Variants in DPP6 observed in about 807,000 individuals in gnomAD.
DPP6 encodes dipeptidyl peptidase like 6.
A neutral mutation model predicts 122.6 loss-of-function variants in DPP6; 69 were observed. The ratio of observed to expected loss-of-function variants is 0.56; its 90% CI spans 0.46 to 0.69. The LOEUF (loss-of-function observed/expected upper bound fraction) is 0.69. Ranked by LOEUF, DPP6 falls within the 30% of genes least tolerant of loss-of-function variation. The probability of loss-of-function intolerance (pLI) is 0.00; values close to 1 mark genes in which losing one functional copy is unlikely to be tolerated. For synonymous variants in DPP6, 418 were observed against 433.1 expected (o/e 0.97, Z 0.43); for missense variants, 928 against 1,116.9 (o/e 0.83, Z 2.41).
chr7:153,991,442 T>G (rs1484308494), intron 1 of DPP6, among the ~76,000 whole-genome samples: 1 of 152,082 alleles, frequency 6.6e-6, no homozygotes, highest in East Asian at 1.9e-4. Context: ...CCTTTGTAGG[T>G]TTTTAGTAAC....
the DPP6 span, among the ~76,000 whole-genome samples, chr7:153,786,763 G>T: frequency 1.2e-5 from 1 of 83,218 alleles, no homozygotes; most frequent in Non-Finnish European, 2.8e-5. Flanking sequence ...AAAAAAAAAA[G>T]ATATACTACT....
At chr7:154,568,603 T>C (rs886454024) in intron 5 of DPP6, among the ~76,000 whole-genome samples, 1 of 152,212 alleles carries the variant, frequency 6.6e-6, no homozygotes, top group Non-Finnish European at 1.5e-5. Context: ...TTCCCAGCGC[T>C]CTGTTTGGAA....
chr7:154,229,327 C>T (rs1800784811), intron 1 of DPP6, among the ~76,000 whole-genome samples: 1 of 152,186 alleles, frequency 6.6e-6, no homozygotes, highest in Non-Finnish European at 1.5e-5. Context: ...GCTTCAGGAT[C>T]TTGACCCTAT....
At chr7:154,105,155 G>A (rs1264232133) in intron 1 of DPP6, among the ~76,000 whole-genome samples, 8 of 152,198 alleles carry the variant, frequency 5.3e-5, no homozygotes, top group South Asian at 4.1e-4. Flanking sequence ...ACATAAGATC[G>A]AATTTGACTC....
Position 154,211,580 on chromosome 7 carries a change from A to G in DPP6, c.243+158517A>G, listed in dbSNP as rs370197706. Among the ~76,000 whole-genome samples the G allele has an allele frequency of 2.3e-4, 35 of 152,328 alleles. No individual in the cohort carries two copies. In the South Asian group the frequency reaches 6.8e-3, roughly 30 times the overall value. On this transcript the variant is annotated intron_variant, in intron 1 of 25. Transcript: ENST00000377770. ...AAGGGTGTTTGCTGACCTTTTCACC[A>G]GTACCGGGGAAGAAATGCGCATTTA... is the stretch of plus-strand genomic sequence containing the variant.
At chr7:154,316,032 C>G (rs1405832760) in intron 1 of DPP6, among the ~76,000 whole-genome samples, 1 of 152,230 alleles carries the variant, frequency 6.6e-6, no homozygotes, top group Non-Finnish European at 1.5e-5. Flanking sequence ...GTCCTCCTCT[C>G]TAAACCTCCT....
intron 16 of DPP6, among the ~76,000 whole-genome samples, chr7:154,853,150 G>T (rs978224985): frequency 6.6e-6 from 1 of 152,194 alleles, no homozygotes; most frequent in Non-Finnish European, 1.5e-5. Flanking sequence ...TTGCTAAGAA[G>T]AATCGAGAAG....
chr7:154,761,918 C>G (rs544569232), intron 8 of DPP6, among the ~76,000 whole-genome samples: 1 of 152,144 alleles, frequency 6.6e-6, no homozygotes, highest in South Asian at 2.1e-4. Context: ...TTGTTCAATT[C>G]CCACCTATGA....
chr7:154,378,900 T>A (rs1472016722), intron 1 of DPP6, among the ~76,000 whole-genome samples: 1 of 152,124 alleles, frequency 6.6e-6, no homozygotes, highest in Non-Finnish European at 1.5e-5. Context: ...CATCAGATCT[T>A]GTGAAAACTC....
At chr7:154,287,399 G>A (rs915065161) in intron 1 of DPP6, among the ~76,000 whole-genome samples, 11 of 152,186 alleles carry the variant, frequency 7.2e-5, no homozygotes, top group African/African-American at 2.4e-4. Context: ...GCAGGTTGCC[G>A]GGGTTTGGAC....
upstream of DPP6, among the ~76,000 whole-genome samples, chr7:153,884,987 A>AATATATATATATAT (rs56329841): frequency 2.2e-4 from 26 of 116,436 alleles, no homozygotes; most frequent in African/African-American, 5.5e-4. Context: ...TCAAAACAAA[A>AATATATATATATAT]ATATATATAT....
chr7:153,791,173 T>G, the DPP6 span, among the ~76,000 whole-genome samples: 1 of 152,194 alleles, frequency 6.6e-6, no homozygotes, highest in Non-Finnish European at 1.5e-5. Context: ...TCATTGATAC[T>G]CTTAACGTAG....
chr7:154,873,290 C>G (rs1400669638), intron 19 of DPP6, among the ~76,000 whole-genome samples: 1 of 152,204 alleles, frequency 6.6e-6, no homozygotes, highest in African/African-American at 2.4e-5. Context: ...CAAATGTTGC[C>G]TGACAGCCCT....
At chr7:154,680,798 G>A (rs1298465710) in intron 7 of DPP6, among the ~76,000 whole-genome samples, 5 of 152,066 alleles carry the variant, frequency 3.3e-5, no homozygotes, top group East Asian at 1.9e-4. Flanking sequence ...AAGAAGAGGC[G>A]CTTTTTGCAG....
chr7:154,132,600 G>A (rs1330205425), intron 1 of DPP6, among the ~76,000 whole-genome samples: 1 of 152,060 alleles, frequency 6.6e-6, no homozygotes, highest in Non-Finnish European at 1.5e-5. Flanking sequence ...CAGTAGTCTC[G>A]AAAGATCTCT....
chr7:153,864,672 TACACACACACAC>T, the DPP6 span, among the ~76,000 whole-genome samples: 32,225 of 135,190 alleles, frequency 0.24, 3,797 homozygotes, highest in Admixed American at 0.31. Context: ...ATAATAATAA[TACACACACACAC>T]ACACACACAC....
intron 5 of DPP6, among the ~76,000 whole-genome samples, chr7:154,575,344 TGTG>T (rs1831521071): frequency 3.3e-5 from 2 of 60,004 alleles, no homozygotes; most frequent in East Asian, 8.3e-4. Flanking sequence ...GGTGTGTGTA[TGTG>T]TGTGTGGTGT....
At chr7:154,198,882 T>A (rs1799015187) in intron 1 of DPP6, among the ~76,000 whole-genome samples, 1 of 151,842 alleles carries the variant, frequency 6.6e-6, no homozygotes, top group Non-Finnish European at 1.5e-5. Context: ...CCCGGCTGTG[T>A]TAGTTTCCAG....
intron 1 of DPP6, among the ~76,000 whole-genome samples, chr7:153,909,587 TC>T (rs1799992136): frequency 6.6e-6 from 1 of 152,148 alleles, no homozygotes; most frequent in African/African-American, 2.4e-5. Context: ...TGACTTTGGT[TC>T]TTACCACTGC....
Sources: gnomAD v4.1 joint callset for allele counts (sites outside exome capture counted in the v4.1 genomes callset) on GRCh38, gnomAD v4.1.1 for gene constraint, MANE v1.5 for transcripts, NCBI Gene and HGNC (gene_info 2026-07-23, HGNC 2026-07-21) for gene names.